Variants in XPNPEP3 observed in about 807,000 individuals in gnomAD.
XPNPEP3 encodes X-prolyl aminopeptidase 3.
A neutral mutation model predicts 60.0 loss-of-function variants in XPNPEP3; 41 were observed. That is an observed-to-expected ratio of 0.68 (90% CI 0.53 to 0.89). The LOEUF (loss-of-function observed/expected upper bound fraction) is 0.89, where lower values mean the gene tolerates loss of function less well. Among genes scored for constraint, XPNPEP3 ranks in the 40% least tolerant of loss-of-function variants. XPNPEP3 has a pLI of 0.00. For missense variants in XPNPEP3, 598 were observed against 638.9 expected (o/e 0.94, Z 0.69); for synonymous variants, 212 against 223.2 (o/e 0.95, Z 0.45).
rs2058241489 is a variant in XPNPEP3, at chr22:40,928,077, C to T, written c.*1642C>T. 6.6e-6 allele frequency: 1 copy of T among 151,930 alleles called. No homozygotes were observed. The highest frequency in any genetic ancestry group is 2.1e-4 in the South Asian group (1 of 4,824). The allele number at this position is 151,930 out of a possible 1,614,324, so 9.4% of individuals were successfully genotyped here. ...TCAGAGAAGTACCCCTGTTATCATT[C>T]TGTGATTTCCTCTAGTGCTAATAGA... On this transcript the variant is annotated 3_prime_UTR_variant, in exon 10 of 10. Transcript: ENST00000357137.
chr22:40,866,082 C>G (rs1042928797), intron 1 of XPNPEP3, among the ~76,000 whole-genome samples: 3 of 152,128 alleles, frequency 2.0e-5, no homozygotes, highest in African/African-American at 7.2e-5. Flanking sequence ...TTTCCTGTTG[C>G]ATGTAGTGGT....
intron 7 of XPNPEP3, among the ~76,000 whole-genome samples, chr22:40,921,653 C>G (rs2058217139): frequency 6.6e-6 from 1 of 152,098 alleles, no homozygotes; most frequent in Non-Finnish European, 1.5e-5. Context: ...TATAAAATTA[C>G]AGCGAACATT....
chr22:40,861,868 C>A (rs774803195), intron 1 of XPNPEP3: 8 of 1,613,870 alleles, frequency 5.0e-6, no homozygotes, highest in Non-Finnish European at 6.8e-6. Flanking sequence ...AATTTTCTCT[C>A]TGCTTCTTCT....
intron 9 of XPNPEP3, among the ~76,000 whole-genome samples, chr22:40,924,720 GC>G (rs1221348805): frequency 6.6e-6 from 1 of 151,876 alleles, no homozygotes; most frequent in Non-Finnish European, 1.5e-5. Flanking sequence ...ACGGGGTTTC[GC>G]CATGTTGGCC....
chr22:40,908,240 C>T (rs2058163778), intron 5 of XPNPEP3, among the ~76,000 whole-genome samples: 2 of 151,122 alleles, frequency 1.3e-5, no homozygotes, highest in Non-Finnish European at 2.9e-5. Context: ...GAGGCTGAGG[C>T]CAGGCGTGCT....
rs1176941671 is a variant in XPNPEP3 at position 40,909,135 on chromosome 22, G to T, written c.869G>T (p.Cys290Phe). The stretch of plus-strand genomic sequence containing the variant: ...TGTTTTTCACAGTTTGAATTTGAAT[G>T]CCGGGCTCGTGGCGCAGACATTTTA... ...AFLYAKFEFE[C>F]RARGADILAY... The change falls in exon 6 of 10, where the codon TGC becomes TTC. Residue 290 changes from cysteine to phenylalanine, a missense_variant. Physicochemically the swap from Cys to Phe is radical, Grantham distance 205 (BLOSUM62 -2). Transcript: ENST00000357137. The T allele has an allele frequency of 1.2e-6, 2 of 1,614,190 alleles. No individual in the cohort carries two copies. Among genetic ancestry groups the T allele is most frequent in the Non-Finnish European group, 1.7e-6 (2 of 1,180,038 alleles).
intron 2 of XPNPEP3, among the ~76,000 whole-genome samples, chr22:40,870,668 C>T (rs2058000588): frequency 6.6e-6 from 1 of 152,032 alleles, no homozygotes; most frequent in South Asian, 2.1e-4. Flanking sequence ...TCCAGAGATG[C>T]AAAACTTGTG....
chr22:40,926,285 G>A lies in XPNPEP3; in HGVS notation c.1374G>A (p.Glu458=), dbSNP rs1569034399. 6.2e-7 allele frequency: 1 copy of A among 1,613,978 alleles called. No individual in the cohort carries two copies. The highest frequency in any genetic ancestry group is 1.7e-5 in the Admixed American group (1 of 59,992). The change falls in exon 10 of 10, where the codon GAG becomes GAA. Residue 458 remains glutamate (E), a synonymous_variant. Coordinates refer to ENST00000357137, the MANE Select transcript of XPNPEP3 (RefSeq NM_022098.4). ...ITIEPGIYIP[E]DDKDAPEKFR... is the part of the protein sequence containing the mutation. The stretch of plus-strand genomic sequence containing the variant: ...ACTTCACAGGCATTTATATTCCAGA[G>A]GATGACAAAGATGCCCCAGAGAAGT...
intron 6 of XPNPEP3, among the ~76,000 whole-genome samples, chr22:40,913,490 G>A (rs990924173): frequency 2.0e-5 from 3 of 151,678 alleles, no homozygotes; most frequent in African/African-American, 7.3e-5. Context: ...GTGTTTAAGG[G>A]TGGCTGTGTT....
At chr22:40,888,332 C>T (rs2058076795) in intron 4 of XPNPEP3, 1 of 362,942 alleles carries the variant, frequency 2.8e-6, no homozygotes, top group Non-Finnish European at 5.7e-6. Context: ...CAGTCTCGAC[C>T]TCCTGGGTTC....
intron 4 of XPNPEP3, among the ~76,000 whole-genome samples, chr22:40,896,741 ACTAT>A (rs1016228657): frequency 2.6e-5 from 4 of 152,162 alleles, no homozygotes; most frequent in Non-Finnish European, 5.9e-5. Context: ...GACTATTACT[ACTAT>A]CTTTTTTCAG....
chr22:40,909,363 T>A, intron 6 of XPNPEP3, 128 bp downstream of exon 6: 1 of 782,492 alleles, frequency 1.3e-6, no homozygotes, highest in Non-Finnish European at 2.2e-6. Flanking sequence ...TTTTATTGCT[T>A]ATAAAATGGT....
chr22:40,926,296 A>T lies in XPNPEP3; in HGVS notation c.1385A>T (p.Asp462Val), dbSNP rs759009790. The T allele has an allele frequency of 2.5e-6, 4 of 1,614,186 alleles. No individual in the cohort carries two copies. The highest frequency in any genetic ancestry group is 1.7e-5 in the Admixed American group (1 of 60,006). Residue 462 changes from aspartate (D) to valine (V), a missense_variant, in exon 10 of 10, where the codon GAT (aspartate) becomes GTT (valine). Transcript: ENST00000357137. ...PGIYIPEDDK[D>V]APEKFRGLGV... ...ATTTATATTCCAGAGGATGACAAAG[A>T]TGCCCCAGAGAAGTTTCGGGGTCTT... is the stretch of plus-strand genomic sequence containing the variant.
intron 2 of XPNPEP3, among the ~76,000 whole-genome samples, chr22:40,870,516 G>T (rs144940044): frequency 1.3e-5 from 2 of 152,228 alleles, no homozygotes; most frequent in Non-Finnish European, 2.9e-5. Context: ...GGACATTGGG[G>T]TAAGTGAGAA....
intron 2 of XPNPEP3, among the ~76,000 whole-genome samples, chr22:40,876,409 TAC>T (rs775794525): frequency 3.9e-5 from 6 of 152,362 alleles, no homozygotes; most frequent in Non-Finnish European, 8.8e-5. Flanking sequence ...TGCTAAGTGT[TAC>T]GTTTTAAGTG....
intron 1 of XPNPEP3, chr22:40,861,156 G>C (rs760578355): frequency 6.2e-7 from 1 of 1,613,920 alleles, no homozygotes; most frequent in Admixed American, 1.7e-5. Flanking sequence ...TGAGAAAATA[G>C]GGGGATCTCT....
Position 40,861,451 on chromosome 22 carries a change from C to G in XPNPEP3, c.64+4206C>G, listed in dbSNP as rs1462343546. On this transcript the variant is annotated intron_variant, in intron 1 of 9. Transcript: ENST00000357137. ...GAAGTTGTAACAGATATGTAGTTGT[C>G]CATCCCACTATTATCAAAAGCCAGG... 9 of 1,613,968 alleles carry G rather than the reference C, an allele frequency of 5.6e-6. No individual in the cohort carries two copies. Among genetic ancestry groups the G allele is most frequent in the Middle Eastern group, 3.3e-4 (2 of 6,084 alleles).
At chr22:40,892,323 T>C (rs2058091455) in intron 4 of XPNPEP3, among the ~76,000 whole-genome samples, 1 of 152,154 alleles carries the variant, frequency 6.6e-6, no homozygotes, top group South Asian at 2.1e-4. Context: ...TAGCTGGGAC[T>C]ACAGGCGTGC....
rs1475692562 is a variant in XPNPEP3, at chr22:40,907,581, T to C, written c.793-6T>C. 1 of 1,613,554 alleles carries C rather than the reference T, an allele frequency of 6.2e-7. No homozygotes were observed. Among genetic ancestry groups the C allele is most frequent in the South Asian group, 1.1e-5 (1 of 91,076 alleles). Reference sequence around the variant, plus strand: ...GTGTTCTTTTCATCCTCCTTTCTCTTTGCAGGCTTTCATAGAAACCATGTT... The same window carrying C: ...GTGTTCTTTTCATCCTCCTTTCTCTCTGCAGGCTTTCATAGAAACCATGTT... On this transcript the variant is annotated splice_polypyrimidine_tract_variant and splice_region_variant and intron_variant, in intron 4 of 9. Coordinates refer to ENST00000357137, the MANE Select transcript of XPNPEP3 (RefSeq NM_022098.4).
Sources: gnomAD v4.1 joint callset for allele counts (sites outside exome capture counted in the v4.1 genomes callset) on GRCh38, gnomAD v4.1.1 for gene constraint, MANE v1.5 for transcripts, NCBI Gene and HGNC (gene_info 2026-07-23, HGNC 2026-07-21) for gene names.